Variants in DAB1 observed in about 807,000 individuals in gnomAD.
The protein encoded by DAB1 is disabled homolog 1.
DAB1 carries 15 observed loss-of-function variants against 64.6 expected under a neutral mutation model. The observed-to-expected ratio is 0.23, with a 90% CI of 0.16 to 0.36. The LOEUF is 0.36. Among genes scored for constraint, DAB1 ranks in the 10% least tolerant of loss-of-function variants. DAB1 has a pLI of 1.00. For missense variants in DAB1, 596 were observed against 706.7 expected, an observed-to-expected ratio of 0.84 and a Z score of 1.78; for synonymous variants, 235 against 251.9, an observed-to-expected ratio of 0.93 and a Z score of 0.64.
intron 7 of DAB1, among the ~76,000 whole-genome samples, chr1:57,435,107 G>A (rs1226756260): frequency 7.2e-6 from 1 of 139,258 alleles, no homozygotes; most frequent in African/African-American, 2.8e-5. Context: ...GGAGCGTAGT[G>A]GCATGATCTC....
intron 1 of DAB1, among the ~76,000 whole-genome samples, chr1:57,839,850 A>ATCTTACAC (rs1318190451): frequency 2.0e-5 from 3 of 152,198 alleles, no homozygotes; most frequent in African/African-American, 7.2e-5. Context: ...GCCACTGGGA[A>ATCTTACAC]AAGTAAGATC....
At chr1:57,699,770 C>T (rs1054919394) in intron 6 of DAB1, among the ~76,000 whole-genome samples, 6 of 151,704 alleles carry the variant, frequency 4.0e-5, no homozygotes, top group African/African-American at 9.7e-5. Context: ...AAAATTAGCT[C>T]GGCGTGGTGG....
At chr1:58,006,321 A>G (rs1168259736) in intron 5 of DAB1, among the ~76,000 whole-genome samples, 1 of 152,202 alleles carries the variant, frequency 6.6e-6, no homozygotes, top group African/African-American at 2.4e-5. Context: ...GGGTAAAAGC[A>G]GAAGGGAATA....
At chr1:57,428,435 A>G (rs1685371623), upstream of DAB1, among the ~76,000 whole-genome samples, 1 of 152,126 alleles carries the variant, frequency 6.6e-6, no homozygotes, top group Admixed American at 6.5e-5. Flanking sequence ...TGTCTGGCTT[A>G]TTTCACTTAA....
chr1:57,080,572 C>T (rs3768189), intron 4 of DAB1, among the ~76,000 whole-genome samples: 1 of 151,934 alleles, frequency 6.6e-6, no homozygotes, highest in African/African-American at 2.4e-5. Flanking sequence ...GCATGAATTC[C>T]TTGCCTAAAT....
chr1:57,030,125 T>C (rs1343155060), intron 9 of DAB1, among the ~76,000 whole-genome samples: 2 of 152,212 alleles, frequency 1.3e-5, no homozygotes, highest in African/African-American at 2.4e-5. Context: ...GGGGCTGGTC[T>C]TTCCCATGTA....
chr1:58,141,042 A>G (rs1570408086), intron 5 of DAB1, among the ~76,000 whole-genome samples: 1 of 152,314 alleles, frequency 6.6e-6, no homozygotes, highest in East Asian at 1.9e-4. Context: ...GCATCTGCTC[A>G]GCTCCTAGGG....
chr1:57,676,496 G>A (rs894189664), intron 6 of DAB1, among the ~76,000 whole-genome samples: 8 of 152,158 alleles, frequency 5.3e-5, no homozygotes, highest in Non-Finnish European at 1.2e-4. Context: ...TTTTAAGTCA[G>A]TGACTTAGAT....
intron 1 of DAB1, among the ~76,000 whole-genome samples, chr1:57,323,169 T>A (rs1388063951): frequency 1.3e-5 from 2 of 152,166 alleles, no homozygotes; most frequent in Non-Finnish European, 2.9e-5. Context: ...CTCTCTAGTC[T>A]TTCCTTCCTG....
At chr1:57,506,902 TC>T (rs2101334949) in intron 7 of DAB1, among the ~76,000 whole-genome samples, 1 of 152,204 alleles carries the variant, frequency 6.6e-6, no homozygotes, top group East Asian at 1.9e-4. Context: ...AACCCACCAT[TC>T]CCTCTCCTCT....
At chr1:58,093,751 C>G (rs960808665) in intron 5 of DAB1, among the ~76,000 whole-genome samples, 1 of 151,848 alleles carries the variant, frequency 6.6e-6, no homozygotes, top group Non-Finnish European at 1.5e-5. Flanking sequence ...GAACAGCAAC[C>G]TAAGGACACC....
intron 4 of DAB1, among the ~76,000 whole-genome samples, chr1:57,078,274 T>C (rs976024753): frequency 1.3e-5 from 2 of 151,856 alleles, no homozygotes; most frequent in African/African-American, 4.8e-5. Flanking sequence ...GCTGAAGAGG[T>C]GGTGTGATAA....
At chr1:57,016,237 GTAT>G (rs1225755833) in intron 11 of DAB1, among the ~76,000 whole-genome samples, 1 of 151,900 alleles carries the variant, frequency 6.6e-6, no homozygotes, top group African/African-American at 2.4e-5. Flanking sequence ...GTAGCGAGAG[GTAT>G]TATGCATGAT....
At chr1:58,143,674 C>CA (rs1366893913) in intron 5 of DAB1, among the ~76,000 whole-genome samples, 1 of 152,168 alleles carries the variant, frequency 6.6e-6, no homozygotes, top group Non-Finnish European at 1.5e-5. Flanking sequence ...CCCTGGAACA[C>CA]AAAAACTACC....
At chr1:57,200,720 C>T (rs995731053) in intron 2 of DAB1, among the ~76,000 whole-genome samples, 11 of 152,300 alleles carry the variant, frequency 7.2e-5, no homozygotes, top group Admixed American at 1.3e-4. Context: ...AGTGATTTCA[C>T]TTGTAATTTT....
intron 1 of DAB1, among the ~76,000 whole-genome samples, chr1:57,344,917 G>T (rs1280067082): frequency 6.6e-6 from 1 of 152,120 alleles, no homozygotes; most frequent in Non-Finnish European, 1.5e-5. Flanking sequence ...ACCTTGGCTT[G>T]GTGCCTCCAA....
chr1:57,765,798 A>C (rs1649285041), intron 6 of DAB1, among the ~76,000 whole-genome samples: 1 of 151,792 alleles, frequency 6.6e-6, no homozygotes, highest in Non-Finnish European at 1.5e-5. Flanking sequence ...ATTTTTATTT[A>C]TTTTTATTTT....
intron 6 of DAB1, among the ~76,000 whole-genome samples, chr1:57,659,018 T>C (rs1646352419): frequency 6.6e-6 from 1 of 152,162 alleles, no homozygotes; most frequent in African/African-American, 2.4e-5. Flanking sequence ...CTTTAAGCAA[T>C]ATGAAACACC....
intron 3 of DAB1, among the ~76,000 whole-genome samples, chr1:58,350,789 G>A (rs1337676159): frequency 6.6e-6 from 1 of 152,088 alleles, no homozygotes; most frequent in Non-Finnish European, 1.5e-5. Flanking sequence ...TTATTTCTGA[G>A]GCCTCTGTTC....
Sources: allele counts gnomAD v4.1 joint callset (sites outside exome capture counted in the v4.1 genomes callset), GRCh38; gene constraint gnomAD v4.1.1; transcripts MANE v1.5; gene names NCBI Gene and HGNC (gene_info 2026-07-23, HGNC 2026-07-21).